LRRC37A2: variants seen among roughly 807,000 people sequenced by gnomAD.
The protein encoded by LRRC37A2 is leucine-rich repeat-containing protein 37A2.
A neutral mutation model predicts 68.8 loss-of-function variants in LRRC37A2; 9 were observed. That is an observed-to-expected ratio of 0.13 (90% CI 0.08 to 0.23). LRRC37A2 has a LOEUF of 0.23. LRRC37A2 is among the 10% of genes least tolerant of loss of function. The pLI is 1.00. For synonymous variants in LRRC37A2, 63 were observed against 367.6 expected (o/e 0.17, Z 9.48); for missense variants, 168 against 950.4 (o/e 0.18, Z 10.82).
chr17:46,940,333 T>C, the LRRC37A2 span: 2 of 1,459,968 alleles, frequency 1.4e-6, no homozygotes, highest in Non-Finnish European at 1.8e-6. Flanking sequence ...AATCTGTGAC[T>C]CCTAAAATGG....
intron 8 of LRRC37A2, among the ~76,000 whole-genome samples, chr17:46,541,483 C>A (rs1478365812): frequency 6.7e-6 from 1 of 149,786 alleles, no homozygotes; most frequent in African/African-American, 2.5e-5. Flanking sequence ...AACTCCTGAC[C>A]TCAAGTGATC....
At chr17:46,928,376 C>G in the LRRC37A2 span, among the ~76,000 whole-genome samples, 1 of 152,208 alleles carries the variant, frequency 6.6e-6, no homozygotes, top group Non-Finnish European at 1.5e-5. Context: ...GGTTGCTGAC[C>G]TTTCCTCCAG....
At chr17:46,980,352 C>CTCCTTCCTTCT in the LRRC37A2 span, among the ~76,000 whole-genome samples, 1 of 23,600 alleles carries the variant, frequency 4.2e-5, no homozygotes. Context: ...TCCTTCCTTC[C>CTCCTTCCTTCT]TTCTTCTTTC....
chr17:46,906,139 C>A, the LRRC37A2 span, among the ~76,000 whole-genome samples: 1 of 152,182 alleles, frequency 6.6e-6, no homozygotes, highest in Non-Finnish European at 1.5e-5. Flanking sequence ...GCCCAGCCCC[C>A]ACTCCTGAGA....
At chr17:46,977,952 C>T in the LRRC37A2 span, among the ~76,000 whole-genome samples, 1 of 152,230 alleles carries the variant, frequency 6.6e-6, no homozygotes, top group Non-Finnish European at 1.5e-5. Context: ...CTGCCTTCTC[C>T]GCTGTTGGCG....
the LRRC37A2 span, among the ~76,000 whole-genome samples, chr17:46,908,129 T>A: frequency 3.3e-5 from 5 of 152,072 alleles, no homozygotes; most frequent in African/African-American, 1.2e-4. Context: ...CCCTGCTGTT[T>A]GACGCTTCAT....
the LRRC37A2 span, among the ~76,000 whole-genome samples, chr17:46,958,701 G>C: frequency 6.6e-6 from 1 of 152,230 alleles, no homozygotes; most frequent in Non-Finnish European, 1.5e-5. Context: ...AGCCTCCAGA[G>C]GTCCTCACAG....
At chr17:46,833,197 C>A in the LRRC37A2 span, 1 of 393,262 alleles carries the variant, frequency 2.5e-6, no homozygotes, top group Non-Finnish European at 5.1e-6. Context: ...GCACAGAGGA[C>A]GTCAGCAAAC....
the LRRC37A2 span, among the ~76,000 whole-genome samples, chr17:46,817,379 C>CA: frequency 4.6e-5 from 7 of 152,216 alleles, no homozygotes; most frequent in African/African-American, 1.7e-4. Flanking sequence ...CCTCCCCCCG[C>CA]CCAGGCCAAG....
the LRRC37A2 span, among the ~76,000 whole-genome samples, chr17:46,903,508 G>A: frequency 2.6e-5 from 4 of 152,072 alleles, no homozygotes. Context: ...GCCTTCTTAT[G>A]TGAAATAAAT....
At chr17:46,749,680 A>G in the LRRC37A2 span, 4 of 1,214,314 alleles carry the variant, frequency 3.3e-6, no homozygotes, top group East Asian at 2.5e-5. Flanking sequence ...GCAAGATTAA[A>G]TAAAAGTCTT....
the LRRC37A2 span, among the ~76,000 whole-genome samples, chr17:46,834,321 T>C: frequency 1.3e-5 from 2 of 152,022 alleles, no homozygotes; most frequent in Admixed American, 6.6e-5. Flanking sequence ...GAGAAGCAGG[T>C]GGTGCCTGGG....
the LRRC37A2 span, chr17:46,964,344 C>T: frequency 1.3e-5 from 2 of 152,324 alleles, no homozygotes; most frequent in African/African-American, 4.8e-5. Flanking sequence ...CTCTCTCCAG[C>T]TGCAAACAGA....
At chr17:46,844,307 T>TTC in the LRRC37A2 span, among the ~76,000 whole-genome samples, 1 of 47,490 alleles carries the variant, frequency 2.1e-5, no homozygotes, top group Non-Finnish European at 3.9e-5. Context: ...TTAGCCACCT[T>TTC]TTTTTTTTTT....
the LRRC37A2 span, among the ~76,000 whole-genome samples, chr17:47,039,128 G>A: frequency 2.0e-5 from 3 of 151,442 alleles, 1 homozygote; most frequent in African/African-American, 7.3e-5. Context: ...GTTTTGACAG[G>A]TATAGAATTA....
chr17:47,025,574 T>A, the LRRC37A2 span, among the ~76,000 whole-genome samples: 1 of 151,828 alleles, frequency 6.6e-6, no homozygotes. Context: ...CCCTAACTCT[T>A]CACTAATTAC....
At chr17:46,745,218 T>G in the LRRC37A2 span, among the ~76,000 whole-genome samples, 1 of 152,224 alleles carries the variant, frequency 6.6e-6, no homozygotes, top group Non-Finnish European at 1.5e-5. Flanking sequence ...TCCCATGCAA[T>G]GTATCACTTT....
the LRRC37A2 span, among the ~76,000 whole-genome samples, chr17:46,819,455 G>A: frequency 2.0e-5 from 3 of 152,230 alleles, no homozygotes; most frequent in East Asian, 3.9e-4. This position sits in a 1 kb window ranked among gnomAD's most constrained non-coding sequence, Gnocchi z 5.3. Context: ...TCTCGGAGTC[G>A]GGTCACTTTC....
the LRRC37A2 span, among the ~76,000 whole-genome samples, chr17:46,661,410 T>TATTATTATTA: frequency 4.0e-4 from 41 of 102,164 alleles, no homozygotes; most frequent in African/African-American, 1.4e-3. Context: ...TTATTATTAT[T>TATTATTATTA]TTTGAGATGG....
Sources: gnomAD v4.1 joint callset for allele counts (sites outside exome capture counted in the v4.1 genomes callset) on GRCh38, gnomAD v4.1.1 for gene constraint, Gnocchi (gnomAD v3.1) non-coding constraint, MANE v1.5 for transcripts, NCBI Gene and HGNC (gene_info 2026-07-23, HGNC 2026-07-21) for gene names.